The following KMT5A variants were observed in gnomAD, a reference collection of about 807,000 sequenced individuals.
KMT5A encodes the protein N-lysine methyltransferase KMT5A.
Under a neutral mutation model 40.6 loss-of-function variants are expected in KMT5A, and 6 were observed. That is an observed-to-expected ratio of 0.15 (90% CI 0.08 to 0.29). KMT5A has a LOEUF of 0.29. Ranked by LOEUF, KMT5A falls within the 10% of genes least tolerant of loss-of-function variation. KMT5A has a pLI of 1.00. For missense variants in KMT5A, 308 were observed against 459.1 expected (o/e 0.67, Z 3.01); for synonymous variants, 153 against 178.8 (o/e 0.86, Z 1.15).
intron 1 of KMT5A, among the ~76,000 whole-genome samples, chr12:123,385,324 A>C (rs1035672234): frequency 1.3e-5 from 2 of 152,008 alleles, no homozygotes; most frequent in Non-Finnish European, 2.9e-5. Flanking sequence ...TCATCACTCA[A>C]CTCTTGGAGA....
chr12:123,395,549 G>T (rs1285116403), intron 4 of KMT5A, among the ~76,000 whole-genome samples: 1 of 150,876 alleles, frequency 6.6e-6, no homozygotes, highest in Non-Finnish European at 1.5e-5. Context: ...TGTCTTTTTT[G>T]GTGATTGGTG....
chr12:123,395,024 C>A (rs1298521555), intron 3 of KMT5A, 23 bp from the exon 4 acceptor site: 1 of 1,546,032 alleles, frequency 6.5e-7, no homozygotes, highest in East Asian at 2.4e-5. Flanking sequence ...ATAAACCCGT[C>A]TTTCCCCCAC....
At chr12:123,399,718 A>C (rs1240783467) in intron 5 of KMT5A, among the ~76,000 whole-genome samples, 3 of 152,190 alleles carry the variant, frequency 2.0e-5, no homozygotes, top group African/African-American at 7.2e-5. Flanking sequence ...TTAACAACAA[A>C]AAAGACACCA....
chr12:123,392,581 T>G (rs1877393340), intron 3 of KMT5A, among the ~76,000 whole-genome samples: 1 of 152,124 alleles, frequency 6.6e-6, no homozygotes, highest in South Asian at 2.1e-4. Context: ...GGAGGATCCC[T>G]AGCACCCAGG....
At chr12:123,396,512 T>G (rs902917224) in intron 5 of KMT5A, 80 bp downstream of exon 5, 2 of 1,318,916 alleles carry the variant, frequency 1.5e-6, no homozygotes, top group African/African-American at 2.9e-5. Context: ...CGTATGTGTG[T>G]GTCCTCAGCC....
intron 7 of KMT5A, among the ~76,000 whole-genome samples, chr12:123,406,064 C>T (rs1878526753): frequency 6.6e-6 from 1 of 152,084 alleles, no homozygotes; most frequent in Non-Finnish European, 1.5e-5. Context: ...TGTGACCTGC[C>T]CACCTTGGCC....
At chr12:123,403,203 C>T (rs1382809819) in intron 5 of KMT5A, among the ~76,000 whole-genome samples, 1 of 152,276 alleles carries the variant, frequency 6.6e-6, no homozygotes. Context: ...GCGCCTGGCC[C>T]ACTGTACCTG....
intron 1 of KMT5A, among the ~76,000 whole-genome samples, chr12:123,385,284 G>T (rs1876806557): frequency 6.6e-6 from 1 of 152,106 alleles, no homozygotes; most frequent in Non-Finnish European, 1.5e-5. Flanking sequence ...ATGAAAAAAT[G>T]AGGCATAGTA....
At chr12:123,385,905 G>A (rs1424637064) in intron 1 of KMT5A, among the ~76,000 whole-genome samples, 2 of 152,070 alleles carry the variant, frequency 1.3e-5, no homozygotes, top group Admixed American at 1.3e-4. Flanking sequence ...CTGAGGGCCA[G>A]GCACTTTATT....
chr12:123,384,249 G>T lies in KMT5A; in HGVS notation c.10+41G>T, dbSNP rs928605669. 7.5e-6 allele frequency: 12 copies of T among 1,609,886 alleles called. No individual in the cohort carries two copies. Among genetic ancestry groups the T allele is most frequent in the Non-Finnish European group, 9.3e-6 (11 of 1,178,740 alleles). ...GCCGGCACCGGAGCGGCTGGGTCGG[G>T]GGTCGTGCTGGAGGGGTTGCCGGGG... On this transcript the variant is annotated intron_variant, in intron 1 of 7. Transcript: ENST00000402868. This position sits in a 1 kb window ranked among gnomAD's most constrained non-coding sequence, Gnocchi z 5.7.
chr12:123,407,385 C>A, intron 7 of KMT5A, 108 bp from the exon 8 acceptor site: 2 of 1,056,878 alleles, frequency 1.9e-6, no homozygotes, highest in Non-Finnish European at 2.8e-6. Flanking sequence ...TTTCAAAACA[C>A]ATGGCTTTAA....
intron 5 of KMT5A, 146 bp from the exon 6 acceptor site, chr12:123,403,426 TG>T (rs1878323590): frequency 1.4e-6 from 1 of 729,536 alleles, no homozygotes; most frequent in Non-Finnish European, 2.3e-6. Context: ...TTGCCATCAC[TG>T]GGGACCCATC....
In KMT5A at chr12:123,407,675, T is replaced by C. The variant is rs757619488; in HGVS notation, c.1031T>C (p.Ile344Thr). ...YDYGDRSKAS[I>T]EAHPWLKH is the part of the protein sequence containing the mutation. ...TATGGGGACCGCAGCAAGGCTTCCA[T>C]TGAAGCCCACCCGTGGCTGAAGCAT... is the stretch of plus-strand genomic sequence containing the variant. The change falls in exon 8 of 8, where the codon ATT becomes ACT. Residue 344 changes from isoleucine to threonine, a missense_variant. Around this residue, in one of 4 missense-constraint regions of KMT5A, gnomAD observed 77 missense variants for 220.0 expected, o/e 0.35. Coordinates refer to ENST00000402868, the MANE Select transcript of KMT5A (RefSeq NM_020382.7). 17 of 1,613,646 alleles carry C rather than the reference T, an allele frequency of 1.1e-5. No individual in the cohort carries two copies. The highest frequency in any genetic ancestry group is 2.7e-5 in the African/African-American group (2 of 75,004).
In KMT5A at chr12:123,384,939, CAA is replaced by C. The variant is rs1384280813; in HGVS notation, c.10+733_10+734del. Among the ~76,000 whole-genome samples, 1 of 151,970 alleles carries C rather than the reference CAA, an allele frequency of 6.6e-6. No individual in the cohort carries two copies. Among genetic ancestry groups the C allele is most frequent in the Non-Finnish European group, 1.5e-5 (1 of 68,032 alleles). On this transcript the variant is annotated intron_variant, in intron 1 of 7. Coordinates refer to ENST00000402868, the MANE Select transcript of KMT5A (RefSeq NM_020382.7). The surrounding 1 kb of genome is among the most constrained non-coding windows in gnomAD (Gnocchi z 5.7). ...AGGACAGTGCCTCCCAGGTATGCGG[CAA>C]AGAGATCTCCAACCGCTTGGTCATT...
In KMT5A at chr12:123,404,976, C is replaced by A. The variant is rs200501247; in HGVS notation, c.750C>A (p.Ile250=). Residue 250 remains isoleucine (I), a synonymous_variant, in exon 7 of 8, where the codon ATC becomes ATA. Coordinates refer to ENST00000402868, the MANE Select transcript of KMT5A (RefSeq NM_020382.7). ...TGGTGGAATACCACGGGGACCTCAT[C>A]GAGATCACCGACGCCAAGAAACGGG... The part of the protein sequence containing the change: ...DFVVEYHGDL[I]EITDAKKREA... 3.1e-6 allele frequency: 5 copies of A among 1,614,010 alleles called. No homozygotes were observed. The highest frequency in any genetic ancestry group is 4.2e-6 in the Non-Finnish European group (5 of 1,179,940).
chr12:123,405,566 C>T (rs541752224), intron 7 of KMT5A, among the ~76,000 whole-genome samples: 1 of 123,204 alleles, frequency 8.1e-6, no homozygotes, highest in Admixed American at 1.1e-4. Context: ...GTCGCCCAAG[C>T]TGGAGTGCAG....
chr12:123,403,980 A>G (rs1438623302), intron 6 of KMT5A, among the ~76,000 whole-genome samples: 1 of 151,866 alleles, frequency 6.6e-6, no homozygotes. Flanking sequence ...ACCCTTACCC[A>G]TTACTTACCA....
At position 123,384,334 on chromosome 12, in the gene KMT5A, C is replaced by G; in HGVS notation, c.10+126C>G. 6.0e-6 allele frequency: 8 copies of G among 1,335,000 alleles called. No individual in the cohort carries two copies. The highest frequency in any genetic ancestry group is 8.3e-6 in the Non-Finnish European group (8 of 968,164). 82.7% of individuals were successfully genotyped at this position (1,335,000 alleles called of 1,614,324 possible). On this transcript the variant is annotated intron_variant, in intron 1 of 7. Transcript: ENST00000402868. The surrounding 1 kb of genome is among the most constrained non-coding windows in gnomAD (Gnocchi z 5.7). ...GGTGGCTCGGGGCAAGCTTGGGGAC[C>G]CGCGTGGGGGGAGAGGGGGTGCTGC...
chr12:123,397,070 T>C (rs1249120918), intron 5 of KMT5A, among the ~76,000 whole-genome samples: 3 of 152,242 alleles, frequency 2.0e-5, no homozygotes, highest in African/African-American at 7.2e-5. Flanking sequence ...TCCTCAGTGT[T>C]GTCACTCCCG....
Sources: gnomAD v4.1 joint callset for allele counts (sites outside exome capture counted in the v4.1 genomes callset) on GRCh38, gnomAD v4.1.1 for gene constraint, gnomAD v4.1.1 regional missense constraint, Gnocchi (gnomAD v3.1) non-coding constraint, MANE v1.5 for transcripts, NCBI Gene and HGNC (gene_info 2026-07-23, HGNC 2026-07-21) for gene names.